The following CACNA1A variants were observed in gnomAD, a reference collection of about 807,000 sequenced individuals.
CACNA1A encodes the protein calcium voltage-gated channel subunit alpha1 A.
Under a neutral mutation model 262.4 loss-of-function variants are expected in CACNA1A, and 57 were observed. That is an observed-to-expected ratio of 0.22 (90% confidence interval 0.18 to 0.27). The LOEUF (loss-of-function observed/expected upper bound fraction) is 0.27. Among genes scored for constraint, CACNA1A ranks in the 10% least tolerant of loss-of-function variants. The pLI, the probability that CACNA1A is intolerant of heterozygous loss-of-function variation, is 1.00. For synonymous variants in CACNA1A, 1,431 were observed against 1,419.3 expected (o/e 1.01, Z -0.18); for missense variants, 2,526 against 3,562.8 (o/e 0.71, Z 7.41).
chr19:13,285,725 C>A (rs1194073160), intron 20 of CACNA1A, among the ~76,000 whole-genome samples: 1 of 152,114 alleles, frequency 6.6e-6, no homozygotes, highest in African/African-American at 2.4e-5. Context: ...GAGGAGCCAT[C>A]AGCCTCTGGA....
chr19:13,276,746 G>A (rs935000773), intron 23 of CACNA1A, among the ~76,000 whole-genome samples: 1 of 142,224 alleles, frequency 7.0e-6, no homozygotes, highest in Non-Finnish European at 1.5e-5. Context: ...CACCCAGGCT[G>A]GAATGCAGTG....
intron 3 of CACNA1A, among the ~76,000 whole-genome samples, chr19:13,430,548 T>C (rs144853591): frequency 3.9e-4 from 60 of 152,082 alleles, no homozygotes; most frequent in African/African-American, 1.3e-3. Flanking sequence ...GGACAGGGGG[T>C]GAGGATGTTA....
At chr19:13,502,509 C>T (rs1407933257) in intron 1 of CACNA1A, among the ~76,000 whole-genome samples, 1 of 152,112 alleles carries the variant, frequency 6.6e-6, no homozygotes, top group Non-Finnish European at 1.5e-5. Context: ...CCTTTTTGAG[C>T]TGACAGATCT....
intron 31 of CACNA1A, 122 bp downstream of exon 31, chr19:13,245,060 A>G: frequency 1.2e-6 from 1 of 812,844 alleles, no homozygotes; most frequent in Non-Finnish European, 2.1e-6. Context: ...GGTCATGGCC[A>G]AGTGCTGGCT....
chr19:13,418,815 C>T (rs2060269439), intron 3 of CACNA1A, among the ~76,000 whole-genome samples: 1 of 152,208 alleles, frequency 6.6e-6, no homozygotes, highest in Non-Finnish European at 1.5e-5. Context: ...TTTTGATCAA[C>T]AGCGGACTGC....
intron 3 of CACNA1A, among the ~76,000 whole-genome samples, chr19:13,376,797 A>G (rs961106487): frequency 7.2e-4 from 33 of 45,638 alleles, no homozygotes; most frequent in African/African-American, 1.1e-3. Context: ...TGACATATAT[A>G]CACATAATAT....
chr19:13,307,623 A>G (rs1213317006), intron 15 of CACNA1A, 159 bp downstream of exon 15: 23 of 626,588 alleles, frequency 3.7e-5, no homozygotes, highest in Non-Finnish European at 6.0e-5. Context: ...TGGCCTCACC[A>G]TAATTGAATA....
intron 3 of CACNA1A, among the ~76,000 whole-genome samples, chr19:13,398,511 G>GT (rs1168599290): frequency 6.6e-6 from 1 of 152,206 alleles, no homozygotes; most frequent in Non-Finnish European, 1.5e-5. Flanking sequence ...GGCTGAGCAG[G>GT]TGGAAGGGTT....
At position 13,209,334 on chromosome 19, in the gene CACNA1A, G is replaced by A; in HGVS notation, c.6504C>T (p.Gly2168=). 7.2e-7 allele frequency: 1 copy of A among 1,394,410 alleles called. No individual in the cohort carries two copies. The highest frequency in any genetic ancestry group is 9.3e-7 in the Non-Finnish European group (1 of 1,070,092). 86.4% of individuals were successfully genotyped at this position (1,394,410 alleles called of 1,614,324 possible). A position where few individuals can be genotyped will look rare whatever the true frequency, so the allele number is the denominator to read the frequency against. The change falls in exon 45 of 47, where the codon GGC becomes GGT. Residue 2168 remains glycine, a synonymous_variant. Transcript: ENST00000360228. ...CACCTGTGTCCACATCGGTGTAGCG[G>A]CCCAGGGAGCGCTCAGAGGCGCGGT... ...RSHRASERSL[G]RYTDVDTGLG... is the part of the protein sequence containing the mutation.
intron 3 of CACNA1A, among the ~76,000 whole-genome samples, chr19:13,389,575 A>G (rs780511324): frequency 2.6e-5 from 4 of 151,996 alleles, no homozygotes; most frequent in Non-Finnish European, 4.4e-5. Context: ...GCTTATTCAC[A>G]TATTTTTTCC....
intron 9 of CACNA1A, among the ~76,000 whole-genome samples, chr19:13,332,146 CT>C (rs1194710322): frequency 2.0e-5 from 3 of 152,236 alleles, no homozygotes. Flanking sequence ...GACATCTACA[CT>C]CCCAGCATTT....
At chr19:13,439,340 C>A (rs1429000776) in intron 3 of CACNA1A, among the ~76,000 whole-genome samples, 1 of 146,750 alleles carries the variant, frequency 6.8e-6, no homozygotes, top group African/African-American at 2.5e-5. Context: ...GATTTCCTGA[C>A]CTCGTGATTC....
At chr19:13,352,430 G>A (rs979378386) in intron 6 of CACNA1A, among the ~76,000 whole-genome samples, 17 of 150,168 alleles carry the variant, frequency 1.1e-4, no homozygotes. Flanking sequence ...AGTAAACTGT[G>A]ATCATCATAG....
chr19:13,379,519 A>C (rs1027256968), intron 3 of CACNA1A, among the ~76,000 whole-genome samples: 3 of 152,136 alleles, frequency 2.0e-5, no homozygotes, highest in Non-Finnish European at 2.9e-5. Flanking sequence ...CCACAGAGCA[A>C]GGGGAAAGGA....
intron 3 of CACNA1A, among the ~76,000 whole-genome samples, chr19:13,427,886 T>C: frequency 6.6e-6 from 1 of 152,120 alleles, no homozygotes; most frequent in East Asian, 1.9e-4. Context: ...CTTTGGACAG[T>C]TACTTAACCT....
intron 9 of CACNA1A, among the ~76,000 whole-genome samples, chr19:13,331,559 G>A (rs1395372526): frequency 6.6e-6 from 1 of 152,158 alleles, no homozygotes; most frequent in East Asian, 1.9e-4. Context: ...GTTTTCTAAA[G>A]TATGAGAAGA....
intron 24 of CACNA1A, chr19:13,274,936 T>C (rs1300433268): frequency 6.6e-6 from 1 of 151,082 alleles, no homozygotes; most frequent in Non-Finnish European, 1.5e-5. Flanking sequence ...CATCTTAGCA[T>C]GGTAGCCCAG....
At chr19:13,429,412 G>A (rs1306093372) in intron 3 of CACNA1A, among the ~76,000 whole-genome samples, 4 of 151,582 alleles carry the variant, frequency 2.6e-5, no homozygotes, top group African/African-American at 4.9e-5. Flanking sequence ...GGGTGGGAGC[G>A]GGGGGAAGGG....
At chr19:13,263,078 C>T (rs952875176) in intron 24 of CACNA1A, 2 of 507,734 alleles carry the variant, frequency 3.9e-6, no homozygotes, top group Non-Finnish European at 3.6e-6. Flanking sequence ...GGCCCTTTGC[C>T]ATCTGGCTGG....
Sources: gnomAD v4.1 joint callset for allele counts (sites outside exome capture counted in the v4.1 genomes callset) on GRCh38, gnomAD v4.1.1 for gene constraint, MANE v1.5 for transcripts, NCBI Gene and HGNC (gene_info 2026-07-23, HGNC 2026-07-21) for gene names.